HTR3C: variants seen among roughly 807,000 people sequenced by gnomAD.
HTR3C encodes 5-hydroxytryptamine receptor 3C.
HTR3C carries 32 observed loss-of-function variants against 40.5 expected under a neutral mutation model. The observed-to-expected ratio is 0.79, with a 90% confidence interval of 0.60 to 1.06. The LOEUF is 1.06. Among genes scored for constraint, HTR3C ranks in the 50% least tolerant of loss-of-function variants. The pLI, the probability that HTR3C is intolerant of heterozygous loss-of-function variation, is 0.00. For synonymous variants in HTR3C, 209 were observed against 217.1 expected, an observed-to-expected ratio of 0.96 and a Z score of 0.33; for missense variants, 523 against 556.8, an observed-to-expected ratio of 0.94 and a Z score of 0.61.
chr3:184,058,698 C>A, intron 6 of HTR3C, 111 bp downstream of exon 6: 10 of 1,199,922 alleles, frequency 8.3e-6, no homozygotes, highest in Non-Finnish European at 1.2e-5. Context: ...GGTGCAGTGG[C>A]TCACACCTGT....
At position 184,056,263 on chromosome 3, in the gene HTR3C, C is replaced by T. The variant is rs770220182; in HGVS notation, c.366C>T (p.Leu122=). ...CAGTATTAGCTGAAAACCTGTGGCT[C>T]CCAGACATCTTCATCGTGGAATCGT... ...KLTVLAENLW[L]PDIFIVESMD... Residue 122 remains leucine (L), a synonymous_variant, in exon 4 of 9, where the codon CTC becomes CTT. Transcript: ENST00000318351. 1.1e-5 allele frequency: 17 copies of T among 1,612,832 alleles called. No individual in the cohort carries two copies. The highest frequency in any genetic ancestry group is 1.4e-5 in the Non-Finnish European group (17 of 1,178,940).
rs12632045 is a variant in HTR3C at position 184,054,368 on chromosome 3, G to A, written c.68-353G>A. Among the ~76,000 whole-genome samples, 124 of 152,236 alleles carry A rather than the reference G, an allele frequency of 8.1e-4. 2 individuals carry two copies. In the East Asian group the frequency reaches 0.023, roughly 29 times the overall value. Reference sequence around the variant, plus strand: ...TTAGGTGACTTGGACCACAAGTTTTGGGCAGTTCTACTGCTAGGTGAGCCA... The same window carrying A: ...TTAGGTGACTTGGACCACAAGTTTTAGGCAGTTCTACTGCTAGGTGAGCCA... On this transcript the variant is annotated intron_variant, in intron 1 of 8. Coordinates refer to ENST00000318351, the MANE Select transcript of HTR3C (RefSeq NM_130770.3).
intron 3 of HTR3C, 130 bp from the exon 4 acceptor site, chr3:184,056,047 T>C (rs1723318309): frequency 6.3e-6 from 4 of 630,116 alleles, no homozygotes; most frequent in Non-Finnish European, 8.6e-6. Flanking sequence ...AATGGGGGGA[T>C]AGGCTGTGGT....
chr3:184,057,019 C>T lies in HTR3C; in HGVS notation c.534C>T (p.Phe178=), dbSNP rs780402355. 1 of 1,612,342 alleles carries T rather than the reference C, an allele frequency of 6.2e-7. No homozygotes were observed. Among genetic ancestry groups the T allele is most frequent in the East Asian group, 2.2e-5 (1 of 44,820 alleles). ...CTTTTGACCAACAGAACTGTACCTT[C>T]ACCTTCAGTTCTTTCCTCTACACAG... ...YFPFDQQNCT[F]TFSSFLYTVD... The change falls in exon 5 of 9, where the codon TTC becomes TTT. Residue 178 remains phenylalanine, a synonymous_variant. Coordinates refer to ENST00000318351, the MANE Select transcript of HTR3C (RefSeq NM_130770.3).
chr3:184,060,329 G>A lies in HTR3C; in HGVS notation c.1321G>A (p.Val441Ile), dbSNP rs146776408. ...LLFMASSILT[V>I]IVLWNT Reference sequence around the variant, plus strand: ...CTTCATGGCCTCCTCCATCCTTACTGTCATTGTCCTCTGGAACACCTAGGC... The same window carrying A: ...CTTCATGGCCTCCTCCATCCTTACTATCATTGTCCTCTGGAACACCTAGGC... The change falls in exon 9 of 9, where the codon GTC becomes ATC. Residue 441 changes from valine (V) to isoleucine (I), a missense_variant. Val to Ile is a conservative substitution (Grantham distance 29). Transcript: ENST00000318351. The A allele has an allele frequency of 1.3e-3, 2,150 of 1,614,126 alleles. 23 individuals are homozygous for A. The African/African-American group carries it at 0.022, about 16-fold the overall frequency.
intron 4 of HTR3C, 106 bp from the exon 5 acceptor site, chr3:184,056,769 T>C (rs1193426913): frequency 3.0e-6 from 3 of 1,013,208 alleles, no homozygotes; most frequent in African/African-American, 1.6e-5. Context: ...AAAATAAAAA[T>C]AGAAAGAGAA....
Position 184,056,888 on chromosome 3 carries a change from C to T in HTR3C, c.403C>T (p.Gln135Ter). The T allele has an allele frequency of 1.2e-6, 2 of 1,607,842 alleles. No homozygotes were observed. Residue 135 changes from glutamine to a stop codon, truncating the protein, a stop_gained, in exon 5 of 9, where the codon CAG (glutamine) becomes TAG (stop). Coordinates refer to ENST00000318351, the MANE Select transcript of HTR3C (RefSeq NM_130770.3). LOFTEE classifies it high-confidence loss of function. ...IFIVESMDVD[Q>*]TPSGLTAYIS... is the part of the protein sequence containing the mutation. The stretch of plus-strand genomic sequence containing the variant: ...TTCCCCAAACAGCATGGATGTGGAT[C>T]AGACGCCTTCCGGTCTCACTGCCTA...
At chr3:184,056,088 C>G in intron 3 of HTR3C, 89 bp from the exon 4 acceptor site, 1 of 804,134 alleles carries the variant, frequency 1.2e-6, no homozygotes, top group Non-Finnish European at 2.2e-6. Flanking sequence ...GTGGGAGGAT[C>G]AAGGTTTAAA....
In HTR3C at chr3:184,058,420, C is replaced by T; in HGVS notation, c.560-7C>T. ...GTCTGCAATGAACTGACCGGCCTCC[C>T]TTCCAGTGGACAGCATGCTGCTGGG... On this transcript the variant is annotated splice_polypyrimidine_tract_variant and splice_region_variant and intron_variant, in intron 5 of 8. Transcript: ENST00000318351. 6.3e-7 allele frequency: 1 copy of T among 1,593,872 alleles called. No individual in the cohort carries two copies. The highest frequency in any genetic ancestry group is 8.5e-7 in the Non-Finnish European group (1 of 1,172,392).
Position 184,056,165 on chromosome 3 carries a change from G to A in HTR3C, c.280-12G>A, listed in dbSNP as rs1308800324. 3 of 1,562,008 alleles carry A rather than the reference G, an allele frequency of 1.9e-6. No homozygotes were observed. The highest frequency in any genetic ancestry group is 2.6e-6 in the Non-Finnish European group (3 of 1,132,626). Reference sequence around the variant, plus strand: ...CCGTCACTCACCTCTGTCCCTCACTGCCCTGATGCAGGTATGGGACAATCC... The same window carrying A: ...CCGTCACTCACCTCTGTCCCTCACTACCCTGATGCAGGTATGGGACAATCC... On this transcript the variant is annotated splice_polypyrimidine_tract_variant and intron_variant, in intron 3 of 8. Coordinates refer to ENST00000318351, the MANE Select transcript of HTR3C (RefSeq NM_130770.3).
In HTR3C at chr3:184,060,359, A is replaced by T; in HGVS notation, c.*7A>T. On this transcript the variant is annotated 3_prime_UTR_variant, in exon 9 of 9. Coordinates refer to ENST00000318351, the MANE Select transcript of HTR3C (RefSeq NM_130770.3). ...TGTCCTCTGGAACACCTAGGCAGAC[A>T]TCCCCCCTCTCTGGCAAACAACAGC... The T allele has an allele frequency of 6.2e-7, 1 of 1,614,082 alleles. No individual in the cohort carries two copies. Among genetic ancestry groups the T allele is most frequent in the Non-Finnish European group, 8.5e-7 (1 of 1,179,970 alleles).
At position 184,053,106 on chromosome 3, in the gene HTR3C, A is replaced by G. The variant is rs759432327; in HGVS notation, c.26A>G (p.Gln9Arg). 2 of 1,614,034 alleles carry G rather than the reference A, an allele frequency of 1.2e-6. No homozygotes were observed. Among genetic ancestry groups the G allele is most frequent in the Non-Finnish European group, 1.7e-6 (2 of 1,179,916 alleles). MEGGWPAR[Q>R]SALLCLTVSL... ...ATGGAAGGAGGGTGGCCTGCAAGGC[A>G]GAGTGCCCTCCTCTGCCTCACTGTC... Residue 9 changes from glutamine (Q) to arginine (R), a missense_variant, in exon 1 of 9, where the codon CAG becomes CGG. Physicochemically the swap from Gln to Arg is conservative, Grantham distance 43. Transcript: ENST00000318351.
chr3:184,059,305 T>C (rs1560082003), intron 6 of HTR3C, 131 bp from the exon 7 acceptor site: 6 of 740,736 alleles, frequency 8.1e-6, no homozygotes, highest in Admixed American at 2.4e-5. Context: ...AGCACAATTA[T>C]ATGCAAAAGT....
Position 184,060,379 on chromosome 3 carries a change from A to G in HTR3C, c.*27A>G. 6.2e-7 allele frequency: 1 copy of G among 1,613,690 alleles called. No homozygotes were observed. The highest frequency in any genetic ancestry group is 8.5e-7 in the Non-Finnish European group (1 of 1,179,666). On this transcript the variant is annotated 3_prime_UTR_variant, in exon 9 of 9. Coordinates refer to ENST00000318351, the MANE Select transcript of HTR3C (RefSeq NM_130770.3). ...CAGACATCCCCCCTCTCTGGCAAAC[A>G]ACAGCTTGGAGTTTCTGCTGGTCTT...
chr3:184,056,912 T>A lies in HTR3C; in HGVS notation c.427T>A (p.Tyr143Asn). 6.2e-7 allele frequency: 1 copy of A among 1,613,456 alleles called. No individual in the cohort carries two copies. Among genetic ancestry groups the A allele is most frequent in the Non-Finnish European group, 8.5e-7 (1 of 1,179,526 alleles). Residue 143 changes from tyrosine to asparagine, a missense_variant, in exon 5 of 9, where the codon TAT (tyrosine) becomes AAT (asparagine). Transcript: ENST00000318351. ...VDQTPSGLTAYISSEGRIKYD... is the reference protein window; with the variant it reads ...VDQTPSGLTANISSEGRIKYD... ...TCAGACGCCTTCCGGTCTCACTGCCTATATCAGCAGTGAAGGTCGAATTAA... is the reference window on the plus strand; with the variant it reads ...TCAGACGCCTTCCGGTCTCACTGCCAATATCAGCAGTGAAGGTCGAATTAA...
chr3:184,054,607 G>A (rs1483917043), intron 1 of HTR3C, 114 bp from the exon 2 acceptor site: 1 of 881,000 alleles, frequency 1.1e-6, no homozygotes, highest in Non-Finnish European at 1.6e-6. Flanking sequence ...GTCTTGGCAT[G>A]GGAAGGAGGG....
intron 8 of HTR3C, 44 bp downstream of exon 8, chr3:184,060,087 C>A (rs1450653922): frequency 1.2e-6 from 2 of 1,602,742 alleles, no homozygotes; most frequent in Non-Finnish European, 1.7e-6. Context: ...TCACACTGGG[C>A]CCAGCACTCC....
At chr3:184,055,224 T>C in intron 2 of HTR3C, 88 bp from the exon 3 acceptor site, 1 of 914,400 alleles carries the variant, frequency 1.1e-6, no homozygotes. Flanking sequence ...CCTGGCCCAA[T>C]AAATTAGTAA....
intron 2 of HTR3C, 38 bp from the exon 3 acceptor site, chr3:184,055,274 T>G: frequency 6.7e-7 from 1 of 1,498,166 alleles, no homozygotes; most frequent in Non-Finnish European, 9.3e-7. Flanking sequence ...GCCAAACCTT[T>G]TAACACTAAT....
Sources: allele counts gnomAD v4.1 joint callset (sites outside exome capture counted in the v4.1 genomes callset), GRCh38; gene constraint gnomAD v4.1.1; transcripts MANE v1.5; gene names NCBI Gene and HGNC (gene_info 2026-07-23, HGNC 2026-07-21).